Variants in HHAT observed in about 807,000 individuals in gnomAD.
HHAT encodes the protein hedgehog acyltransferase, also known as protein-cysteine N-palmitoyltransferase HHAT.
A neutral mutation model predicts 70.8 loss-of-function variants in HHAT; 47 were observed. The ratio of observed to expected loss-of-function variants is 0.66; its 90% CI spans 0.53 to 0.85. The LOEUF is 0.85. Among genes scored for constraint, HHAT ranks in the 40% least tolerant of loss-of-function variants. The pLI, the probability that HHAT is intolerant of heterozygous loss-of-function variation, is 0.00. For synonymous variants in HHAT, 228 were observed against 247.6 expected (o/e 0.92, Z 0.74); for missense variants, 609 against 604.8 (o/e 1.01, Z -0.07).
intron 7 of HHAT, among the ~76,000 whole-genome samples, chr1:210,422,782 G>A (rs542281624): frequency 6.6e-6 from 1 of 152,134 alleles, no homozygotes; most frequent in African/African-American, 2.4e-5. Flanking sequence ...GATTACAGGT[G>A]CCCACCACCA....
rs547741184 is a variant in HHAT at position 210,428,096 on chromosome 1, A to G, written c.856+9771A>G. Among the ~76,000 whole-genome samples, 140 of 142,854 alleles carry G rather than the reference A, an allele frequency of 9.8e-4. 1 individual carries two copies. The highest frequency in any genetic ancestry group is 3.2e-3 in the South Asian group (14 of 4,384). The allele number at this position is 142,854 out of a possible 152,430, so 93.7% of individuals were successfully genotyped here. A position where few individuals can be genotyped will look rare whatever the true frequency, so the allele number is the denominator to read the frequency against. ...TCGTTGGTTTAAAGTCTGTTTTGTC[A>G]GAAATTAGGATTACAATCCCTGATT... On this transcript the variant is annotated intron_variant, in intron 7 of 11. Coordinates refer to ENST00000261458, the MANE Select transcript of HHAT (RefSeq NM_018194.6).
chr1:210,329,459 C>T, intron 1 of HHAT: 2 of 1,051,432 alleles, frequency 1.9e-6, no homozygotes, highest in Admixed American at 5.5e-5. Context: ...GCCTGCCTGC[C>T]TGCTGTGACT....
chr1:210,487,149 G>C (rs2094484803), intron 8 of HHAT, among the ~76,000 whole-genome samples: 1 of 152,170 alleles, frequency 6.6e-6, no homozygotes. Flanking sequence ...CATCTGTGTG[G>C]CTGTGCAAAG....
At chr1:210,628,531 A>G (rs1034733598) in intron 11 of HHAT, among the ~76,000 whole-genome samples, 5 of 152,036 alleles carry the variant, frequency 3.3e-5, no homozygotes, top group Non-Finnish European at 7.4e-5. Flanking sequence ...TCCTTCTATT[A>G]TCCTATCTAT....
intron 11 of HHAT, among the ~76,000 whole-genome samples, chr1:210,626,906 G>T (rs1007134734): frequency 6.6e-6 from 1 of 152,198 alleles, no homozygotes; most frequent in African/African-American, 2.4e-5. Context: ...TGACAAATGT[G>T]CACCTTTGAC....
intron 1 of HHAT, among the ~76,000 whole-genome samples, chr1:210,332,944 C>T (rs547298656): frequency 5.3e-4 from 81 of 152,156 alleles, no homozygotes; most frequent in Non-Finnish European, 9.6e-4. Context: ...TTACTCATTT[C>T]GGCTAGGGTT....
chr1:210,593,400 G>A (rs568684393), intron 10 of HHAT, among the ~76,000 whole-genome samples: 1 of 152,000 alleles, frequency 6.6e-6, no homozygotes, highest in Non-Finnish European at 1.5e-5. Flanking sequence ...GTTTCAAGGA[G>A]TTTTTCAATT....
chr1:210,498,012 C>G (rs1179094323), intron 8 of HHAT, among the ~76,000 whole-genome samples: 1 of 152,074 alleles, frequency 6.6e-6, no homozygotes, highest in Non-Finnish European at 1.5e-5. Context: ...GCCTTGGCCT[C>G]CCAAAATGCT....
chr1:210,619,472 A>G (rs1049951100), intron 10 of HHAT, among the ~76,000 whole-genome samples: 1 of 152,034 alleles, frequency 6.6e-6, no homozygotes, highest in Non-Finnish European at 1.5e-5. Flanking sequence ...CCTGGGATGC[A>G]TTTCTCTGGG....
At chr1:210,456,349 T>G (rs1029009797) in intron 7 of HHAT, among the ~76,000 whole-genome samples, 7 of 152,202 alleles carry the variant, frequency 4.6e-5, no homozygotes, top group African/African-American at 1.7e-4. Context: ...TTACTTACTC[T>G]GAATACTCAG....
chr1:210,343,312 G>A (rs1361666514), intron 1 of HHAT, among the ~76,000 whole-genome samples: 1 of 152,136 alleles, frequency 6.6e-6, no homozygotes, highest in Non-Finnish European at 1.5e-5. Flanking sequence ...GAAGCAGGGA[G>A]CTCTCTTCTT....
At chr1:210,355,699 A>G (rs1360716182) in intron 2 of HHAT, among the ~76,000 whole-genome samples, 1 of 152,202 alleles carries the variant, frequency 6.6e-6, no homozygotes, top group African/African-American at 2.4e-5. Context: ...TGTTAGCTTT[A>G]TAAAACAACT....
At chr1:210,348,889 C>A in intron 1 of HHAT, 44 bp from the exon 2 acceptor site, 1 of 1,559,868 alleles carries the variant, frequency 6.4e-7, no homozygotes, top group South Asian at 1.2e-5. Context: ...ATGCTGTTCT[C>A]TAGTGTCATG....
chr1:210,634,911 G>T (rs1336139169), intron 11 of HHAT, among the ~76,000 whole-genome samples: 3 of 152,210 alleles, frequency 2.0e-5, no homozygotes, highest in Non-Finnish European at 4.4e-5. Flanking sequence ...GAGAAAGAGG[G>T]ACAGTGGTCA....
At chr1:210,514,020 T>G (rs10779531) in intron 9 of HHAT, among the ~76,000 whole-genome samples, 58,224 of 152,106 alleles carry the variant, frequency 0.38, 11,909 homozygotes, top group Non-Finnish European at 0.46. Context: ...GTAGACTCCA[T>G]GTGATTTTTG....
At chr1:210,577,637 AT>A (rs1192626068) in intron 9 of HHAT, among the ~76,000 whole-genome samples, 381 of 60,198 alleles carry the variant, frequency 6.3e-3, no homozygotes, top group African/African-American at 0.018. Context: ...GGCCTGTAGG[AT>A]TTTTTTTTTT....
intron 4 of HHAT, among the ~76,000 whole-genome samples, chr1:210,397,229 T>C (rs2091838552): frequency 6.6e-6 from 1 of 152,222 alleles, no homozygotes; most frequent in African/African-American, 2.4e-5. Flanking sequence ...AAAAGTTGTA[T>C]GCAACTGGAA....
At chr1:210,638,344 A>G (rs1173218048) in intron 11 of HHAT, among the ~76,000 whole-genome samples, 3 of 152,256 alleles carry the variant, frequency 2.0e-5, no homozygotes, top group Non-Finnish European at 2.9e-5. Context: ...TTATTCAGCA[A>G]TAAAGAGAAA....
At chr1:210,343,311 A>C (rs999464008) in intron 1 of HHAT, among the ~76,000 whole-genome samples, 3 of 152,050 alleles carry the variant, frequency 2.0e-5, no homozygotes, top group Non-Finnish European at 2.9e-5. Flanking sequence ...AGAAGCAGGG[A>C]GCTCTCTTCT....
Sources: allele counts gnomAD v4.1 joint callset (sites outside exome capture counted in the v4.1 genomes callset), GRCh38; gene constraint gnomAD v4.1.1; transcripts MANE v1.5; gene names NCBI Gene and HGNC (gene_info 2026-07-23, HGNC 2026-07-21).